Variants in BTBD9 observed in about 807,000 individuals in gnomAD.
BTBD9 encodes BTB/POZ domain-containing protein 9.
In BTBD9, 49 loss-of-function variants were observed where a neutral mutation model predicts 64.3. That is an observed-to-expected ratio of 0.76 (90% CI 0.61 to 0.97). BTBD9 has a LOEUF of 0.97. Ranked by LOEUF, BTBD9 falls within the 50% of genes least tolerant of loss-of-function variation. BTBD9 has a pLI of 0.00. For missense variants in BTBD9, 598 were observed against 762.1 expected (o/e 0.78, Z 2.53); for synonymous variants, 260 against 274.7 (o/e 0.95, Z 0.53).
intron 4 of BTBD9, among the ~76,000 whole-genome samples, chr6:38,586,528 C>T (rs888703244): frequency 2.6e-5 from 4 of 152,184 alleles, no homozygotes; most frequent in South Asian, 4.2e-4. Flanking sequence ...GCATTAGTCT[C>T]TATATCCCAG....
intron 8 of BTBD9, among the ~76,000 whole-genome samples, chr6:38,272,642 C>T (rs1475761): frequency 0.7 from 106,891 of 151,834 alleles, 38,317 homozygotes; most frequent in African/African-American, 0.83. Flanking sequence ...GTGAACACAA[C>T]CGTGACAAAG....
intron 6 of BTBD9, among the ~76,000 whole-genome samples, chr6:38,399,073 G>GA (rs1766816356): frequency 6.6e-6 from 1 of 152,200 alleles, no homozygotes; most frequent in African/African-American, 2.4e-5. Flanking sequence ...CCTATGGTGA[G>GA]AAAAATTTGC....
At chr6:38,429,166 A>G (rs1429113433) in intron 6 of BTBD9, among the ~76,000 whole-genome samples, 2 of 149,806 alleles carry the variant, frequency 1.3e-5, no homozygotes, top group Non-Finnish European at 3.0e-5. Flanking sequence ...TCAAGAACCA[A>G]CAACTGGGCT....
At chr6:38,210,875 T>C (rs2127499167) in intron 9 of BTBD9, among the ~76,000 whole-genome samples, 1 of 152,256 alleles carries the variant, frequency 6.6e-6, no homozygotes, top group East Asian at 1.9e-4. Flanking sequence ...CTGGGACTCT[T>C]CAGGGAGAGT....
chr6:38,228,265 G>A (rs1178688861), intron 9 of BTBD9, among the ~76,000 whole-genome samples: 1 of 148,744 alleles, frequency 6.7e-6, no homozygotes, highest in East Asian at 2.0e-4. Context: ...GGAGGCAGAG[G>A]TAGGAGGACT....
chr6:38,527,433 T>TG (rs954706789), intron 6 of BTBD9, among the ~76,000 whole-genome samples: 1 of 152,140 alleles, frequency 6.6e-6, no homozygotes, highest in African/African-American at 2.4e-5. Context: ...GGGAGGTGAC[T>TG]GGATCACAGG....
intron 9 of BTBD9, among the ~76,000 whole-genome samples, chr6:38,241,570 G>A (rs1273274311): frequency 6.6e-6 from 1 of 152,186 alleles, no homozygotes; most frequent in Non-Finnish European, 1.5e-5. Flanking sequence ...GAAAGCACTC[G>A]CAAACTCCCT....
At chr6:38,225,060 T>G (rs912771611) in intron 9 of BTBD9, among the ~76,000 whole-genome samples, 1 of 152,182 alleles carries the variant, frequency 6.6e-6, no homozygotes, top group Admixed American at 6.5e-5. Flanking sequence ...GCACTTACCA[T>G]GGACAGGAAG....
chr6:38,267,349 T>C (rs1765046747), intron 8 of BTBD9, among the ~76,000 whole-genome samples: 1 of 152,242 alleles, frequency 6.6e-6, no homozygotes, highest in Admixed American at 6.5e-5. Flanking sequence ...GCTCAAAATG[T>C]ACTAATCTAC....
intron 6 of BTBD9, among the ~76,000 whole-genome samples, chr6:38,516,354 T>C (rs1773025112): frequency 6.6e-6 from 1 of 151,990 alleles, no homozygotes; most frequent in Non-Finnish European, 1.5e-5. Context: ...CCTATAGAGC[T>C]ACTGTGACTT....
At position 38,170,364 on chromosome 6, in the gene BTBD9, GCAGCCAAGAGCCAGGAAGGGCA is replaced by G. The variant is rs1388831983; in HGVS notation, c.*4599_*4620del. ...TGTCCCTCGGAGCGTCCTCAGTGGTGCAGCCAAGAGCCAGGAAGGGCACAGCCTCTTTCCTCCTCCCTGATGG... is the reference window on the plus strand; with the variant it reads ...TGTCCCTCGGAGCGTCCTCAGTGGTGCAGCCTCTTTCCTCCTCCCTGATGG... On this transcript the variant is annotated 3_prime_UTR_variant, in exon 11 of 11. Transcript: ENST00000481247. 1.3e-5 allele frequency: 2 copies of G among 152,716 alleles called. No individual in the cohort carries two copies. Among genetic ancestry groups the G allele is most frequent in the Non-Finnish European group, 2.9e-5 (2 of 68,468 alleles). 9.5% of individuals were successfully genotyped at this position (152,716 alleles called of 1,614,324 possible). A position where few individuals can be genotyped will look rare whatever the true frequency, so the allele number is the denominator to read the frequency against.
chr6:38,390,022 T>C (rs1159612271), intron 6 of BTBD9, among the ~76,000 whole-genome samples: 1 of 152,198 alleles, frequency 6.6e-6, no homozygotes, highest in Non-Finnish European at 1.5e-5. Flanking sequence ...CTATCACTGA[T>C]TGTCATCATA....
At chr6:38,193,473 G>A (rs987602392) in intron 9 of BTBD9, among the ~76,000 whole-genome samples, 4 of 152,158 alleles carry the variant, frequency 2.6e-5, no homozygotes, top group South Asian at 4.1e-4. Flanking sequence ...GGGTGGTTTC[G>A]AAAGCATCCC....
At chr6:38,396,897 CTTTTTTTT>C (rs146597621) in intron 6 of BTBD9, among the ~76,000 whole-genome samples, 1 of 107,402 alleles carries the variant, frequency 9.3e-6, no homozygotes, top group African/African-American at 3.7e-5. Flanking sequence ...TTTTCTTTTT[CTTTTTTTT>C]TTTTTTTTTT....
At chr6:38,372,310 C>T (rs1367459498) in intron 6 of BTBD9, among the ~76,000 whole-genome samples, 1 of 152,198 alleles carries the variant, frequency 6.6e-6, no homozygotes, top group South Asian at 2.1e-4. Flanking sequence ...GAGTCACATT[C>T]ATTATTAAAA....
chr6:38,637,936 C>T (rs1778582462), intron 1 of BTBD9, among the ~76,000 whole-genome samples: 1 of 152,160 alleles, frequency 6.6e-6, no homozygotes, highest in Non-Finnish European at 1.5e-5. Context: ...GATAAGCCCG[C>T]CTTAATCCTT....
intron 8 of BTBD9, among the ~76,000 whole-genome samples, chr6:38,265,506 T>C: frequency 7.8e-6 from 1 of 128,646 alleles, no homozygotes; most frequent in East Asian, 1.9e-4. Flanking sequence ...CAATCTTTTT[T>C]TTTTTTTTTT....
chr6:38,372,837 T>C (rs1765479057), intron 6 of BTBD9, among the ~76,000 whole-genome samples: 1 of 152,222 alleles, frequency 6.6e-6, no homozygotes, highest in East Asian at 1.9e-4. Context: ...AAGGATCTTA[T>C]ATGTGCCATG....
At chr6:38,413,168 A>T (rs887456815) in intron 6 of BTBD9, among the ~76,000 whole-genome samples, 3 of 151,938 alleles carry the variant, frequency 2.0e-5, no homozygotes, top group Admixed American at 6.6e-5. Context: ...GGACAATAAC[A>T]TCCCTCTTTT....
Sources: gnomAD v4.1 joint callset for allele counts (sites outside exome capture counted in the v4.1 genomes callset) on GRCh38, gnomAD v4.1.1 for gene constraint, MANE v1.5 for transcripts, NCBI Gene and HGNC (gene_info 2026-07-23, HGNC 2026-07-21) for gene names.